Variants in ERBB4 observed in about 807,000 individuals in gnomAD.
ERBB4 encodes the protein erb-b2 receptor tyrosine kinase 4.
Under a neutral mutation model 158.0 loss-of-function variants are expected in ERBB4, and 42 were observed. That is an observed-to-expected ratio of 0.27 (90% CI 0.21 to 0.34). The LOEUF (loss-of-function observed/expected upper bound fraction) is 0.34, where lower values mean the gene tolerates loss of function less well. Among genes scored for constraint, ERBB4 ranks in the 10% least tolerant of loss-of-function variants. ERBB4 has a pLI of 1.00. For synonymous variants in ERBB4, 583 were observed against 558.7 expected (o/e 1.04, Z -0.61); for missense variants, 1,333 against 1,624.1 (o/e 0.82, Z 3.08).
intron 20 of ERBB4, among the ~76,000 whole-genome samples, chr2:211,526,295 A>T (rs2066347766): frequency 6.6e-6 from 1 of 152,060 alleles, no homozygotes. Flanking sequence ...AAAAAACAAG[A>T]GTCTCTGCCT....
At chr2:211,590,258 G>T (rs1053326720) in intron 19 of ERBB4, among the ~76,000 whole-genome samples, 2 of 152,128 alleles carry the variant, frequency 1.3e-5, no homozygotes, top group African/African-American at 4.8e-5. Flanking sequence ...AACTAACTTT[G>T]GGAGGAACTT....
At chr2:212,265,041 T>C (rs1303957185) in intron 1 of ERBB4, among the ~76,000 whole-genome samples, 1 of 152,054 alleles carries the variant, frequency 6.6e-6, no homozygotes, top group Admixed American at 6.6e-5. Flanking sequence ...TGGGGTCCAT[T>C]CTAACATGCT....
intron 1 of ERBB4, among the ~76,000 whole-genome samples, chr2:212,345,111 A>G (rs955721735): frequency 6.6e-6 from 1 of 151,404 alleles, no homozygotes; most frequent in Non-Finnish European, 1.5e-5. Context: ...TAAAAATACA[A>G]AAAAATTAGC....
chr2:211,716,729 A>G (rs1186360269), intron 7 of ERBB4, among the ~76,000 whole-genome samples: 2 of 152,130 alleles, frequency 1.3e-5, no homozygotes, highest in Non-Finnish European at 2.9e-5. Context: ...ACAAAAAAAA[A>G]AGAAGAAGCT....
At chr2:212,269,119 A>G (rs1465963330) in intron 1 of ERBB4, among the ~76,000 whole-genome samples, 1 of 151,914 alleles carries the variant, frequency 6.6e-6, no homozygotes, top group Non-Finnish European at 1.5e-5. Flanking sequence ...GAGAGAGCAG[A>G]AATTCCCAGA....
intron 2 of ERBB4, 37 bp from the exon 3 acceptor site, chr2:211,947,653 G>T: frequency 5.7e-6 from 9 of 1,574,310 alleles, no homozygotes; most frequent in South Asian, 2.2e-5. Flanking sequence ...GTTATAAAAC[G>T]AATTTGTCAC....
chr2:212,391,619 G>A (rs2090858544), intron 1 of ERBB4, among the ~76,000 whole-genome samples: 1 of 140,766 alleles, frequency 7.1e-6, no homozygotes, highest in Non-Finnish European at 1.5e-5. Context: ...AATATTATAT[G>A]TCAATATATT....
intron 2 of ERBB4, among the ~76,000 whole-genome samples, chr2:212,015,434 A>T (rs2076507155): frequency 6.6e-6 from 1 of 152,082 alleles, no homozygotes; most frequent in African/African-American, 2.4e-5. Context: ...GCAAACAAGA[A>T]AAGTCTTAGA....
In ERBB4 at chr2:211,803,217, CAAAGA is replaced by C. The variant is rs1198600793; in HGVS notation, c.422-15063_422-15059del. ...ATCCAACATTGCTTTTCAGAATAGTCAAAGAAAAGTCCATCCAAGCAACATTATTA... is the reference window on the plus strand; with the variant it reads ...ATCCAACATTGCTTTTCAGAATAGTCAAAGTCCATCCAAGCAACATTATTA... On this transcript the variant is annotated intron_variant, in intron 3 of 27. Coordinates refer to ENST00000342788, the MANE Select transcript of ERBB4 (RefSeq NM_005235.3). 5.3e-5 allele frequency among the ~76,000 whole-genome samples: 8 copies of C among 151,934 alleles called. No homozygotes were observed. In the South Asian group the frequency reaches 1.7e-3, roughly 31 times the overall value.
At chr2:212,270,053 T>C (rs1022809615) in intron 1 of ERBB4, among the ~76,000 whole-genome samples, 1 of 151,820 alleles carries the variant, frequency 6.6e-6, no homozygotes. Context: ...GTTTTGTCAT[T>C]TGCTCCTCTG....
In ERBB4 at chr2:212,102,562, G is replaced by A. The variant is rs191928568; in HGVS notation, c.234+22190C>T. Among the ~76,000 whole-genome samples the A allele has an allele frequency of 7.6e-4, 116 of 152,088 alleles. 1 individual carries two copies. The Middle Eastern group carries it at 0.014, about 18-fold the overall frequency. On this transcript the variant is annotated intron_variant, in intron 2 of 27. Coordinates refer to ENST00000342788, the MANE Select transcript of ERBB4 (RefSeq NM_005235.3). ...TTATAGATATTCTTTCTAAAATGTC[G>A]TGTGATTTTTTAAACAATAGACATG... is the stretch of plus-strand genomic sequence containing the variant.
At chr2:211,863,130 C>T (rs183310397) in intron 3 of ERBB4, among the ~76,000 whole-genome samples, 1 of 147,828 alleles carries the variant, frequency 6.8e-6, no homozygotes, top group African/African-American at 2.7e-5. Flanking sequence ...TGTAAAAACA[C>T]CCCAATCAGC....
intron 16 of ERBB4, among the ~76,000 whole-genome samples, chr2:211,648,242 T>C (rs979151110): frequency 1.3e-5 from 2 of 151,806 alleles, no homozygotes; most frequent in African/African-American, 4.8e-5. Flanking sequence ...GACATCATTC[T>C]TAGCCAGTTA....
intron 1 of ERBB4, among the ~76,000 whole-genome samples, chr2:212,421,195 C>A (rs143306204): frequency 6.6e-6 from 1 of 152,080 alleles, no homozygotes; most frequent in African/African-American, 2.4e-5. Flanking sequence ...AAGGTCCTTA[C>A]GAAGACAATA....
intron 20 of ERBB4, among the ~76,000 whole-genome samples, chr2:211,556,451 T>A (rs1230898845): frequency 1.3e-5 from 2 of 152,200 alleles, no homozygotes; most frequent in African/African-American, 2.4e-5. Context: ...GATAGAAATC[T>A]ACAGAAGTCT....
Position 212,324,390 on chromosome 2 carries a change from AT to A in ERBB4, c.83-199488del, listed in dbSNP as rs761591800. Among the ~76,000 whole-genome samples, 80 of 150,660 alleles carry A rather than the reference AT, an allele frequency of 5.3e-4. 2 individuals carry two copies. The highest frequency in any genetic ancestry group is 3.4e-3 in the Middle Eastern group (1 of 290). On this transcript the variant is annotated intron_variant, in intron 1 of 27. Coordinates refer to ENST00000342788, the MANE Select transcript of ERBB4 (RefSeq NM_005235.3). The stretch of plus-strand genomic sequence containing the variant: ...CTCTCACTTTGAAAACATCTAATGT[AT>A]ATAGAGCTTTATTATTTAACCCAAT...
In ERBB4 at chr2:211,380,745, T is replaced by G. The variant is rs1053535968; in HGVS notation, c.*2870A>C. The G allele has an allele frequency of 4.3e-6, 1 of 231,992 alleles. No homozygotes were observed. Among genetic ancestry groups the G allele is most frequent in the Non-Finnish European group, 8.5e-6 (1 of 117,336 alleles). The allele number at this position is 231,992 out of a possible 1,614,324, so 14.4% of individuals were successfully genotyped here. On this transcript the variant is annotated 3_prime_UTR_variant, in exon 28 of 28. Coordinates refer to ENST00000342788, the MANE Select transcript of ERBB4 (RefSeq NM_005235.3). ...GCTATTATAAAGCATTTGGGTCATT[T>G]TGGATTATTCCTACATGCATCTCTA...
rs1454080523 is a variant in ERBB4, at chr2:211,893,989, G to T, written c.421+53441C>A. On this transcript the variant is annotated intron_variant, in intron 3 of 27. Coordinates refer to ENST00000342788, the MANE Select transcript of ERBB4 (RefSeq NM_005235.3). ...GACTGTAAACTAGTTCAACCATTGTGGAAGTCAGTGTGGCGATTCCTCAGG... is the reference window on the plus strand; with the variant it reads ...GACTGTAAACTAGTTCAACCATTGTTGAAGTCAGTGTGGCGATTCCTCAGG... Among the ~76,000 whole-genome samples, 4 of 143,364 alleles carry T rather than the reference G, an allele frequency of 2.8e-5. No individual in the cohort carries two copies. The East Asian group carries it at 8.1e-4, about 29-fold the overall frequency. 94.1% of individuals were successfully genotyped at this position (143,364 alleles called of 152,430 possible).
intron 1 of ERBB4, among the ~76,000 whole-genome samples, chr2:212,326,248 A>C (rs1406962610): frequency 1.3e-5 from 2 of 150,868 alleles, no homozygotes; most frequent in Non-Finnish European, 3.0e-5. Flanking sequence ...TACTGGTTTT[A>C]GATCATAATT....
Sources: gnomAD v4.1 joint callset for allele counts (sites outside exome capture counted in the v4.1 genomes callset) on GRCh38, gnomAD v4.1.1 for gene constraint, MANE v1.5 for transcripts, NCBI Gene and HGNC (gene_info 2026-07-23, HGNC 2026-07-21) for gene names.